The following GNAL variants were observed in gnomAD, a reference collection of about 807,000 sequenced individuals.
The protein encoded by GNAL is G protein subunit alpha L, also known as guanine nucleotide-binding protein G(olf) subunit alpha.
A neutral mutation model predicts 55.1 loss-of-function variants in GNAL; 18 were observed. That is an observed-to-expected ratio of 0.33 (90% CI 0.23 to 0.48). The LOEUF is 0.48. Ranked by LOEUF, GNAL falls within the 20% of genes least tolerant of loss-of-function variation. The pLI is 0.99. For synonymous variants in GNAL, 253 were observed against 237.0 expected (o/e 1.07, Z -0.62); for missense variants, 412 against 614.1 (o/e 0.67, Z 3.48).
chr18:11,807,615 C>T (rs1405988318), intron 4 of GNAL, among the ~76,000 whole-genome samples: 3 of 152,212 alleles, frequency 2.0e-5, no homozygotes, highest in African/African-American at 7.2e-5. Flanking sequence ...TGAATTCAAG[C>T]AGTGATGTCA....
At position 11,872,348 on chromosome 18, in the gene GNAL, A is replaced by G. The variant is rs1279259757; in HGVS notation, c.1112A>G (p.Lys371Arg). 8 of 1,570,098 alleles carry G rather than the reference A, an allele frequency of 5.1e-6. No individual in the cohort carries two copies. Among genetic ancestry groups the G allele is most frequent in the Non-Finnish European group, 6.9e-6 (8 of 1,160,912 alleles). Reference sequence around the variant, plus strand: ...GAAAAAGTCTTGGCAGGGAAATCAAAAATTGAAGACTATTTCCCAGAATAT... The same window carrying G: ...GAAAAAGTCTTGGCAGGGAAATCAAGAATTGAAGACTATTTCCCAGAATAT... The part of the protein sequence containing the change: ...LAEKVLAGKS[K>R]IEDYFPEYAN... The change falls in exon 10 of 12, where the codon AAA (lysine) becomes AGA (arginine). Residue 371 changes from lysine (K) to arginine (R), a missense_variant. This residue lies in a region of GNAL where 79 missense variants were observed against 127.1 expected (regional missense o/e 0.62). Transcript: ENST00000334049.
chr18:11,706,904 C>G (rs186827653), intron 1 of GNAL, among the ~76,000 whole-genome samples: 1 of 152,222 alleles, frequency 6.6e-6, no homozygotes, highest in African/African-American at 2.4e-5. Context: ...ATGAGGGTTG[C>G]AATCAACTTC....
intron 11 of GNAL, among the ~76,000 whole-genome samples, chr18:11,877,090 CT>C (rs1447326194): frequency 2.6e-5 from 4 of 152,246 alleles, no homozygotes; most frequent in South Asian, 2.1e-4. Context: ...CAGATATTTA[CT>C]TTTTTTTCTT....
At chr18:11,744,908 G>A (rs2032656206) in intron 1 of GNAL, among the ~76,000 whole-genome samples, 1 of 152,018 alleles carries the variant, frequency 6.6e-6, no homozygotes, top group Admixed American at 6.6e-5. Flanking sequence ...TTGGGGTTTC[G>A]CCATGTTGCC....
intron 10 of GNAL, among the ~76,000 whole-genome samples, chr18:11,875,667 C>T (rs1277879071): frequency 6.6e-6 from 1 of 152,142 alleles, no homozygotes; most frequent in African/African-American, 2.4e-5. Flanking sequence ...TGAGGCCTCC[C>T]CAGAAGCCTA....
intron 5 of GNAL, chr18:11,851,975 A>G (rs779631894): frequency 1.9e-6 from 3 of 1,613,952 alleles, no homozygotes; most frequent in Non-Finnish European, 2.5e-6. Context: ...CTGCTCCAGG[A>G]AATGGCAGAT....
At chr18:11,864,660 C>T (rs944977877) in intron 7 of GNAL, 54 bp downstream of exon 7, 7 of 966,766 alleles carry the variant, frequency 7.2e-6, no homozygotes, top group Admixed American at 3.4e-5. Flanking sequence ...GTCCCAGAGC[C>T]GAAGGGCTGT....
intron 4 of GNAL, among the ~76,000 whole-genome samples, chr18:11,776,606 G>T (rs1428420085): frequency 6.6e-6 from 1 of 151,584 alleles, no homozygotes; most frequent in Non-Finnish European, 1.5e-5. Flanking sequence ...TACCTGGGAG[G>T]CTGAGGTGGG....
chr18:11,802,079 T>C (rs1031060055), intron 4 of GNAL, among the ~76,000 whole-genome samples: 1 of 152,028 alleles, frequency 6.6e-6, no homozygotes, highest in African/African-American at 2.4e-5. Context: ...TTTAGGGACA[T>C]TTTTTTTCTG....
intron 5 of GNAL, among the ~76,000 whole-genome samples, chr18:11,858,528 A>G (rs913548020): frequency 2.0e-5 from 3 of 152,064 alleles, no homozygotes; most frequent in Non-Finnish European, 2.9e-5. Context: ...AATTCTCTCT[A>G]TGTATGTAAT....
chr18:11,692,180 T>C (rs888453607), intron 1 of GNAL, among the ~76,000 whole-genome samples: 1 of 152,196 alleles, frequency 6.6e-6, no homozygotes, highest in African/African-American at 2.4e-5. Context: ...TCCATGACTT[T>C]AGCAAGATGC....
chr18:11,813,038 G>A lies in GNAL; in HGVS notation c.625-11880G>A, dbSNP rs192347864. Among the ~76,000 whole-genome samples, 50 of 152,034 alleles carry A rather than the reference G, an allele frequency of 3.3e-4. 1 individual carries two copies. The East Asian group carries it at 8.5e-3, about 26-fold the overall frequency. ...TGGGAGGCCAAGGCAGGCAGATCAC[G>A]AGGTCAGGAGTTCGAGACCAGCCTG... On this transcript the variant is annotated intron_variant, in intron 4 of 11. Coordinates refer to ENST00000334049, the MANE Select transcript of GNAL (RefSeq NM_182978.4).
At chr18:11,798,956 A>G (rs1026526411) in intron 4 of GNAL, among the ~76,000 whole-genome samples, 3 of 151,930 alleles carry the variant, frequency 2.0e-5, no homozygotes, top group Non-Finnish European at 2.9e-5. Context: ...TACTAAAAAT[A>G]TGAAAAATTA....
chr18:11,695,932 A>G (rs1300091906), intron 1 of GNAL, among the ~76,000 whole-genome samples: 3 of 150,786 alleles, frequency 2.0e-5, no homozygotes, highest in African/African-American at 7.4e-5. Context: ...GCACACACAC[A>G]CACACACACA....
intron 4 of GNAL, among the ~76,000 whole-genome samples, chr18:11,802,110 G>T (rs997008786): frequency 5.9e-5 from 9 of 152,050 alleles, no homozygotes; most frequent in Admixed American, 1.3e-4. Context: ...TACTTGCCAA[G>T]AAAATTTCAT....
At chr18:11,877,404 G>A (rs894314498) in intron 11 of GNAL, among the ~76,000 whole-genome samples, 9 of 152,194 alleles carry the variant, frequency 5.9e-5, no homozygotes, top group African/African-American at 1.4e-4. Context: ...GCGGTGAGCC[G>A]AGACCACACC....
At chr18:11,842,171 G>A (rs1268689843) in intron 5 of GNAL, among the ~76,000 whole-genome samples, 2 of 151,822 alleles carry the variant, frequency 1.3e-5, no homozygotes, top group African/African-American at 2.4e-5. Flanking sequence ...AGTAGAGACA[G>A]GGTTTCTCCA....
intron 4 of GNAL, among the ~76,000 whole-genome samples, chr18:11,824,125 C>T (rs1251580317): frequency 1.3e-5 from 2 of 151,916 alleles, no homozygotes; most frequent in Non-Finnish European, 2.9e-5. Flanking sequence ...TTTTATGTAC[C>T]TAATATGTCT....
At chr18:11,862,473 CCA>C (rs1303076008) in intron 6 of GNAL, 24 bp downstream of exon 6, 5 of 1,515,780 alleles carry the variant, frequency 3.3e-6, no homozygotes, top group African/African-American at 1.4e-5. Context: ...GGGTCCCCCA[CCA>C]CACACCAGAA....
Sources: gnomAD v4.1 joint callset for allele counts (sites outside exome capture counted in the v4.1 genomes callset) on GRCh38, gnomAD v4.1.1 for gene constraint, gnomAD v4.1.1 regional missense constraint, MANE v1.5 for transcripts, NCBI Gene and HGNC (gene_info 2026-07-23, HGNC 2026-07-21) for gene names.